The following USP54 variants were observed in gnomAD, a reference collection of about 807,000 sequenced individuals.
USP54 encodes ubiquitin specific peptidase 54.
Under a neutral mutation model 170.5 loss-of-function variants are expected in USP54, and 87 were observed. The observed-to-expected ratio is 0.51, with a 90% CI of 0.43 to 0.61. The LOEUF (loss-of-function observed/expected upper bound fraction) is 0.61. Among genes scored for constraint, USP54 ranks in the 20% least tolerant of loss-of-function variants. USP54 has a pLI of 0.00. For missense variants in USP54, 1,786 were observed against 2,047.8 expected, an observed-to-expected ratio of 0.87 and a Z score of 2.47; for synonymous variants, 655 against 742.8, an observed-to-expected ratio of 0.88 and a Z score of 1.92.
At chr10:73,542,635 G>C (rs2066871672) in intron 7 of USP54, among the ~76,000 whole-genome samples, 168 bp downstream of exon 7, 1 of 151,994 alleles carries the variant, frequency 6.6e-6, no homozygotes. Flanking sequence ...GGAGATGGAG[G>C]CAGGAGAATC....
In USP54 at chr10:73,550,011, C is replaced by T. The variant is rs2068850177; in HGVS notation, c.241-4339G>A. On this transcript the variant is annotated intron_variant, in intron 4 of 23. Transcript: ENST00000687698. ...TGATCTCGGCTCACTGTAACCTCCACCTCCCAGGTTCAAGCGATTCTGCTG... is the reference window on the plus strand; with the variant it reads ...TGATCTCGGCTCACTGTAACCTCCATCTCCCAGGTTCAAGCGATTCTGCTG... Among the ~76,000 whole-genome samples the T allele has an allele frequency of 7.3e-5, 11 of 151,540 alleles. No individual in the cohort carries two copies. In the South Asian group the frequency reaches 2.1e-3, roughly 29 times the overall value.
chr10:73,511,477 T>C (rs1381641688), intron 20 of USP54, among the ~76,000 whole-genome samples: 1 of 151,432 alleles, frequency 6.6e-6, no homozygotes, highest in Non-Finnish European at 1.5e-5. Flanking sequence ...CTGGGCAACA[T>C]GGTGAAACCC....
intron 1 of USP54, among the ~76,000 whole-genome samples, chr10:73,604,623 C>A (rs2079474001): frequency 6.8e-6 from 1 of 147,714 alleles, no homozygotes; most frequent in African/African-American, 2.5e-5. Flanking sequence ...CAGAGTCTCG[C>A]ATTGTTGCCG....
intron 19 of USP54, 31 bp downstream of exon 19, chr10:73,519,765 AT>A: frequency 6.2e-7 from 1 of 1,612,552 alleles, no homozygotes; most frequent in South Asian, 1.1e-5. Context: ...TTCCCCTGGC[AT>A]TCATAAACTA....
intron 18 of USP54, 118 bp downstream of exon 18, chr10:73,520,790 G>T: frequency 7.0e-7 from 1 of 1,430,668 alleles, no homozygotes; most frequent in Non-Finnish European, 9.5e-7. Context: ...CTCAGTTTGG[G>T]AGAGCAAGAG....
chr10:73,529,577 C>T, intron 15 of USP54, 103 bp downstream of exon 15: 2 of 1,302,036 alleles, frequency 1.5e-6, no homozygotes, highest in Non-Finnish European at 2.2e-6. Flanking sequence ...GAGATAATAG[C>T]AAAGGCCATC....
chr10:73,562,472 T>C (rs1159207157), intron 4 of USP54, among the ~76,000 whole-genome samples: 1 of 152,242 alleles, frequency 6.6e-6, no homozygotes, highest in Non-Finnish European at 1.5e-5. Context: ...ACTTATCACA[T>C]GCATGTACCC....
At chr10:73,581,169 T>C (rs1442308314) in intron 1 of USP54, among the ~76,000 whole-genome samples, 1 of 152,188 alleles carries the variant, frequency 6.6e-6, no homozygotes, top group Non-Finnish European at 1.5e-5. Context: ...AGCTCATGCC[T>C]AAAATCCCAG....
intron 1 of USP54, among the ~76,000 whole-genome samples, chr10:73,586,514 T>C (rs1241242766): frequency 2.6e-5 from 4 of 152,148 alleles, no homozygotes; most frequent in Non-Finnish European, 4.4e-5. Flanking sequence ...CACACAGAGG[T>C]TGAATATAAT....
Position 73,514,948 on chromosome 10 carries a change from G to A in USP54, c.4051+1427C>T, listed in dbSNP as rs189789442. On this transcript the variant is annotated intron_variant, in intron 20 of 23. Transcript: ENST00000687698. ...TCAGCTACTTGGGAGGCTGAGGCAG[G>A]AGAATCACTTGAACCCGGGAGGCGG... Among the ~76,000 whole-genome samples, 517 of 151,414 alleles carry A rather than the reference G, an allele frequency of 3.4e-3. 1 individual carries two copies. The highest frequency in any genetic ancestry group is 0.014 in the Middle Eastern group (4 of 292).
At chr10:73,568,249 A>T (rs935091101) in intron 4 of USP54, among the ~76,000 whole-genome samples, 2 of 152,144 alleles carry the variant, frequency 1.3e-5, no homozygotes, top group African/African-American at 4.8e-5. Flanking sequence ...CAAAAGAGAC[A>T]TCGTACAGGA....
chr10:73,520,967 A>C lies in USP54; in HGVS notation c.2423T>G (p.Leu808Arg). 1 of 1,614,186 alleles carries C rather than the reference A, an allele frequency of 6.2e-7. No individual in the cohort carries two copies. Among genetic ancestry groups the C allele is most frequent in the Non-Finnish European group, 8.5e-7 (1 of 1,180,042 alleles). ...QEAESVFEES[L>R]HLEQKGDCAA... Reference sequence around the variant, plus strand: ...ACAGTCTCCTTTCTGTTCCAGATGTAGTGACTCTTCAAACACTGACTCTGC... The same window carrying C: ...ACAGTCTCCTTTCTGTTCCAGATGTCGTGACTCTTCAAACACTGACTCTGC... The change falls in exon 18 of 24, where the codon CTA (leucine) becomes CGA (arginine). Residue 808 changes from leucine (L) to arginine (R), a missense_variant. This residue lies in a region of USP54 where 1,418 missense variants were observed against 1,569.0 expected (regional missense o/e 0.90). Coordinates refer to ENST00000687698, the MANE Select transcript of USP54 (RefSeq NM_001391956.1).
At chr10:73,609,996 C>T (rs2080004860) in intron 1 of USP54, among the ~76,000 whole-genome samples, 1 of 143,976 alleles carries the variant, frequency 6.9e-6, no homozygotes, top group South Asian at 2.2e-4. Context: ...GGTGATAGAG[C>T]AAGACTCTGT....
In USP54 at chr10:73,541,360, G is replaced by GT. The variant is rs777061821; in HGVS notation, c.825+14dup. On this transcript the variant is annotated intron_variant, in intron 9 of 23. Coordinates refer to ENST00000687698, the MANE Select transcript of USP54 (RefSeq NM_001391956.1). ...CAAGAACTCAAAGTGAGAGATAAAGGTAACTAACACGCACATCACCCAGCT... is the reference window on the plus strand; with the variant it reads ...CAAGAACTCAAAGTGAGAGATAAAGGTTAACTAACACGCACATCACCCAGCT... 1 of 1,613,702 alleles carries GT rather than the reference G, an allele frequency of 6.2e-7. No individual in the cohort carries two copies. Among genetic ancestry groups the GT allele is most frequent in the South Asian group, 1.1e-5 (1 of 91,050 alleles).
rs776780203 is a variant in USP54 at position 73,517,589 on chromosome 10, C to G, written c.2837G>C (p.Ser946Thr). Residue 946 changes from serine (S) to threonine (T), a missense_variant, in exon 20 of 24, where the codon AGC (serine) becomes ACC (threonine). Physicochemically the swap from Ser to Thr is moderately conservative, Grantham distance 58. Around this residue, in one of 3 missense-constraint regions of USP54, gnomAD observed 1,418 missense variants for 1,569.0 expected, o/e 0.90. Transcript: ENST00000687698. ...CTTCAAGGCAGATCTACTGGGGGAG[C>G]TGTGCTGTGGGGCAGATGACTCTGG... is the stretch of plus-strand genomic sequence containing the variant. ...LSPESSAPQH[S>T]SPSRSALKLL... 6.2e-7 allele frequency: 1 copy of G among 1,614,170 alleles called. No individual in the cohort carries two copies. The highest frequency in any genetic ancestry group is 1.1e-5 in the South Asian group (1 of 91,082).
At chr10:73,557,477 C>G (rs1392670519) in intron 4 of USP54, among the ~76,000 whole-genome samples, 1 of 150,328 alleles carries the variant, frequency 6.7e-6, no homozygotes, top group East Asian at 2.0e-4. Context: ...CCGCCCACCA[C>G]ACCTGGCTAA....
chr10:73,585,426 G>A (rs2077363716), intron 1 of USP54, among the ~76,000 whole-genome samples: 1 of 152,156 alleles, frequency 6.6e-6, no homozygotes. Context: ...GGGAGCTTAC[G>A]ATCATGACAG....
At chr10:73,521,403 G>A (rs1312562247) in intron 17 of USP54, among the ~76,000 whole-genome samples, 1 of 152,204 alleles carries the variant, frequency 6.6e-6, no homozygotes, top group Non-Finnish European at 1.5e-5. Context: ...AGGTTCTTAT[G>A]CCCGGAATTG....
intron 7 of USP54, among the ~76,000 whole-genome samples, 181 bp downstream of exon 7, chr10:73,542,622 T>G (rs1468729785): frequency 1.3e-5 from 2 of 151,902 alleles, no homozygotes; most frequent in Non-Finnish European, 2.9e-5. Flanking sequence ...TCTCAGCTAC[T>G]TGGGAGATGG....
Sources: gnomAD v4.1 joint callset for allele counts (sites outside exome capture counted in the v4.1 genomes callset) on GRCh38, gnomAD v4.1.1 for gene constraint, gnomAD v4.1.1 regional missense constraint, MANE v1.5 for transcripts, NCBI Gene and HGNC (gene_info 2026-07-23, HGNC 2026-07-21) for gene names.